Variants in CDYL2 observed in about 807,000 individuals in gnomAD.
CDYL2 encodes the protein chromodomain Y-like protein 2.
In CDYL2, 23 loss-of-function variants were observed where a neutral mutation model predicts 49.4. The observed-to-expected ratio is 0.47, with a 90% CI of 0.34 to 0.66. CDYL2 has a LOEUF of 0.66. Ranked by LOEUF, CDYL2 falls within the 30% of genes least tolerant of loss-of-function variation. CDYL2 has a pLI of 0.01. For synonymous variants in CDYL2, 360 were observed against 268.8 expected, an observed-to-expected ratio of 1.34 and a Z score of -3.32; for missense variants, 678 against 656.4, an observed-to-expected ratio of 1.03 and a Z score of -0.36.
At chr16:80,716,124 T>C (rs973219272) in intron 1 of CDYL2, among the ~76,000 whole-genome samples, 2 of 152,236 alleles carry the variant, frequency 1.3e-5, no homozygotes, top group Admixed American at 1.3e-4. Context: ...CAAGGCCTGG[T>C]ACATAAAAGG....
chr16:80,658,442 C>G (rs1350729661), intron 2 of CDYL2, among the ~76,000 whole-genome samples: 1 of 152,080 alleles, frequency 6.6e-6, no homozygotes, highest in African/African-American at 2.4e-5. Flanking sequence ...ACAGATAAAT[C>G]TTGAACTCTT....
intron 2 of CDYL2, among the ~76,000 whole-genome samples, chr16:80,656,373 G>C (rs902814495): frequency 6.6e-6 from 1 of 152,248 alleles, no homozygotes. Flanking sequence ...GAGCCCAAAA[G>C]CCAGGGTGAC....
At chr16:80,744,529 G>T (rs147783287) in intron 1 of CDYL2, among the ~76,000 whole-genome samples, 27 of 152,248 alleles carry the variant, frequency 1.8e-4, no homozygotes, top group Middle Eastern at 3.4e-3. Context: ...CCCTATAGAA[G>T]GTACTTTATT....
intron 2 of CDYL2, among the ~76,000 whole-genome samples, chr16:80,654,881 G>C (rs568365587): frequency 6.6e-6 from 1 of 152,348 alleles, no homozygotes; most frequent in Admixed American, 6.5e-5. Context: ...GTAAACACGA[G>C]TGTCTAATTA....
At chr16:80,658,876 A>C (rs59559356) in intron 2 of CDYL2, among the ~76,000 whole-genome samples, 2 of 152,222 alleles carry the variant, frequency 1.3e-5, no homozygotes, top group Admixed American at 1.3e-4. Context: ...GTACCTAAAA[A>C]TAGGAAGTGA....
At chr16:80,759,803 T>A (rs958684987) in intron 1 of CDYL2, among the ~76,000 whole-genome samples, 2 of 152,172 alleles carry the variant, frequency 1.3e-5, no homozygotes, top group Admixed American at 1.3e-4. Context: ...AACACACTTG[T>A]AAAAGATTCC....
chr16:80,620,088 G>A (rs2142374973), intron 4 of CDYL2, among the ~76,000 whole-genome samples: 1 of 152,334 alleles, frequency 6.6e-6, no homozygotes, highest in South Asian at 2.1e-4. Context: ...AACACTGGGT[G>A]ACAGCTGTAA....
At chr16:80,616,064 G>A (rs1255089831) in intron 4 of CDYL2, among the ~76,000 whole-genome samples, 1 of 152,122 alleles carries the variant, frequency 6.6e-6, no homozygotes, top group Non-Finnish European at 1.5e-5. Flanking sequence ...TGCTCTACCC[G>A]ACCCCTGTGG....
rs750648651 is a variant in CDYL2 at position 80,612,860 on chromosome 16, T to C, written c.1008-24A>G. The stretch of plus-strand genomic sequence containing the variant: ...CCCTGGGAGAGAAAGAAGATCCTCT[T>C]GAACAGGTGACTATAGCATGCTAAG... On this transcript the variant is annotated intron_variant, in intron 4 of 6. Coordinates refer to ENST00000570137, the MANE Select transcript of CDYL2 (RefSeq NM_152342.4). The surrounding 1 kb of genome is among the most constrained non-coding windows in gnomAD (Gnocchi z 5.0). The C allele has an allele frequency of 7.4e-5, 117 of 1,581,772 alleles. No homozygotes were observed. The highest frequency in any genetic ancestry group is 3.0e-4 in the Admixed American group (17 of 57,218).
At chr16:80,744,208 G>C (rs577366668) in intron 1 of CDYL2, among the ~76,000 whole-genome samples, 5 of 152,280 alleles carry the variant, frequency 3.3e-5, no homozygotes, top group African/African-American at 1.2e-4. Context: ...CGCAGAAAAG[G>C]CAGGAGCCCT....
chr16:80,716,704 T>C (rs1227173046), intron 1 of CDYL2, among the ~76,000 whole-genome samples: 2 of 150,710 alleles, frequency 1.3e-5, no homozygotes. Flanking sequence ...ATTGAATGAA[T>C]GGATAGATAT....
chr16:80,662,847 T>A (rs1909103241), intron 2 of CDYL2: 1 of 448,202 alleles, frequency 2.2e-6, no homozygotes, highest in African/African-American at 2.0e-5. Flanking sequence ...TTCTCAAATG[T>A]CTGGCTCCCT....
chr16:80,630,703 T>C (rs1299550525), intron 3 of CDYL2, among the ~76,000 whole-genome samples: 1 of 152,022 alleles, frequency 6.6e-6, no homozygotes, highest in African/African-American at 2.4e-5. Flanking sequence ...ACACAACCAC[T>C]ACCCCACAAC....
At chr16:80,734,352 T>C (rs1336900318) in intron 1 of CDYL2, among the ~76,000 whole-genome samples, 1 of 152,072 alleles carries the variant, frequency 6.6e-6, no homozygotes, top group African/African-American at 2.4e-5. Flanking sequence ...TACCATGAAG[T>C]TTTTGAGGAA....
chr16:80,710,896 C>T (rs772506634), intron 1 of CDYL2, among the ~76,000 whole-genome samples: 3 of 152,102 alleles, frequency 2.0e-5, no homozygotes, highest in African/African-American at 4.8e-5. Context: ...GTATTTATTT[C>T]GAGATGTGAA....
At chr16:80,794,699 C>A (rs190103938) in intron 1 of CDYL2, among the ~76,000 whole-genome samples, 5 of 149,814 alleles carry the variant, frequency 3.3e-5, no homozygotes, top group Admixed American at 6.7e-5. Flanking sequence ...GCAACCTCCA[C>A]CTCCCAGGTT....
intron 1 of CDYL2, among the ~76,000 whole-genome samples, chr16:80,746,357 C>T (rs1375191081): frequency 6.6e-6 from 1 of 152,156 alleles, no homozygotes; most frequent in Non-Finnish European, 1.5e-5. Flanking sequence ...GTGAATTGTG[C>T]TGTGGGAAGA....
chr16:80,721,276 T>G (rs766831426), intron 1 of CDYL2, among the ~76,000 whole-genome samples: 1 of 152,208 alleles, frequency 6.6e-6, no homozygotes, highest in Non-Finnish European at 1.5e-5. Context: ...AACAGTCCTC[T>G]GAGGTGGTGA....
intron 2 of CDYL2, among the ~76,000 whole-genome samples, chr16:80,644,880 A>C (rs1469021441): frequency 1.3e-5 from 2 of 152,188 alleles, no homozygotes; most frequent in African/African-American, 4.8e-5. Flanking sequence ...CAAAAACAAG[A>C]AATGGGGAAA....
Sources: allele counts gnomAD v4.1 joint callset (sites outside exome capture counted in the v4.1 genomes callset), GRCh38; gene constraint gnomAD v4.1.1; non-coding constraint Gnocchi (gnomAD v3.1); transcripts MANE v1.5; gene names NCBI Gene and HGNC (gene_info 2026-07-23, HGNC 2026-07-21).